PRKCZ: variants seen among roughly 807,000 people sequenced by gnomAD.
PRKCZ encodes protein kinase C zeta, also known as protein kinase C zeta type.
In PRKCZ, 33 loss-of-function variants were observed where a neutral mutation model predicts 79.5. The ratio of observed to expected loss-of-function variants is 0.41; its 90% confidence interval spans 0.31 to 0.55. The LOEUF (loss-of-function observed/expected upper bound fraction) is 0.55, where lower values mean the gene tolerates loss of function less well. Among genes scored for constraint, PRKCZ ranks in the 20% least tolerant of loss-of-function variants. The pLI, the probability that PRKCZ is intolerant of heterozygous loss-of-function variation, is 0.19. For missense variants in PRKCZ, 578 were observed against 813.5 expected, an observed-to-expected ratio of 0.71 and a Z score of 3.52; for synonymous variants, 342 against 320.9, an observed-to-expected ratio of 1.07 and a Z score of -0.70.
Position 2,128,345 on chromosome 1 carries a change from G to A in PRKCZ, c.335-6917G>A, listed in dbSNP as rs1411868290. 6.6e-6 allele frequency among the ~76,000 whole-genome samples: 1 copy of A among 152,222 alleles called. No individual in the cohort carries two copies. Among genetic ancestry groups the A allele is most frequent in the African/African-American group, 2.4e-5 (1 of 41,452 alleles). On this transcript the variant is annotated intron_variant, in intron 4 of 17. Coordinates refer to ENST00000378567, the MANE Select transcript of PRKCZ (RefSeq NM_002744.6). This position sits in a 1 kb window ranked among gnomAD's most constrained non-coding sequence, Gnocchi z 6.5. ...CCAGTGAACAGGAGAGGCCTCAAGTGCCCCCTGACCTGCTGCCAGGGACTC... is the reference window on the plus strand; with the variant it reads ...CCAGTGAACAGGAGAGGCCTCAAGTACCCCCTGACCTGCTGCCAGGGACTC...
chr1:2,179,201 G>T (rs925832248), intron 16 of PRKCZ, among the ~76,000 whole-genome samples: 2 of 152,312 alleles, frequency 1.3e-5, no homozygotes, highest in South Asian at 4.1e-4. Flanking sequence ...ACCCTCCGCC[G>T]GTCCAGGCAC....
chr1:2,153,089 A>T (rs887290891), intron 9 of PRKCZ, among the ~76,000 whole-genome samples: 1 of 151,554 alleles, frequency 6.6e-6, no homozygotes, highest in South Asian at 2.1e-4. Flanking sequence ...GCGCCGTTTC[A>T]CCTCCCCGCC....
intron 4 of PRKCZ, chr1:2,104,630 C>T (rs1668050102): frequency 1.0e-6 from 1 of 964,846 alleles, no homozygotes; most frequent in Non-Finnish European, 1.2e-6. Context: ...GGGTGGAGCC[C>T]AGGCAGGGAG....
chr1:2,064,154 C>A lies in PRKCZ; in HGVS notation c.334+4563C>A, dbSNP rs1446423071. Among the ~76,000 whole-genome samples, 3 of 152,322 alleles carry A rather than the reference C, an allele frequency of 2.0e-5. No homozygotes were observed. In the East Asian group the frequency reaches 5.8e-4, roughly 29 times the overall value. ...GAGCTGCCGTGCCCGGCTTTGTTGGCCATTTCTGTGTCTTCTTTGGTGAAA... is the reference window on the plus strand; with the variant it reads ...GAGCTGCCGTGCCCGGCTTTGTTGGACATTTCTGTGTCTTCTTTGGTGAAA... On this transcript the variant is annotated intron_variant, in intron 4 of 17. Coordinates refer to ENST00000378567, the MANE Select transcript of PRKCZ (RefSeq NM_002744.6).
At chr1:2,184,365 C>T (rs191673840) in intron 16 of PRKCZ, 14 of 502,644 alleles carry the variant, frequency 2.8e-5, no homozygotes, top group African/African-American at 5.8e-5. Context: ...CCAGCATGGC[C>T]GACACTGGCA....
At chr1:2,102,619 A>G (rs369133526) in intron 4 of PRKCZ, among the ~76,000 whole-genome samples, 8 of 152,278 alleles carry the variant, frequency 5.3e-5, no homozygotes, top group South Asian at 4.2e-4. Flanking sequence ...GGTGTGAGCC[A>G]CCGTGCCCGG....
chr1:2,104,783 C>CG (rs1360725556), intron 4 of PRKCZ: 38 of 985,796 alleles, frequency 3.9e-5, no homozygotes, highest in Non-Finnish European at 4.2e-5. Context: ...TGCTGCCCCC[C>CG]GGGGCCGAGC....
At chr1:2,160,610 G>A (rs552838360) in intron 10 of PRKCZ, among the ~76,000 whole-genome samples, 23 of 152,324 alleles carry the variant, frequency 1.5e-4, no homozygotes, top group South Asian at 1.2e-3. Context: ...GTGCAGTGCT[G>A]GTGTTGGGCA....
intron 8 of PRKCZ, 36 bp downstream of exon 8, chr1:2,148,960 G>A (rs774893171): frequency 8.7e-6 from 14 of 1,600,834 alleles, no homozygotes; most frequent in Admixed American, 5.0e-5. Flanking sequence ...CATTTCCGAC[G>A]TCCTCTGGAA....
At chr1:2,156,432 A>G in intron 10 of PRKCZ, 1 of 240,818 alleles carries the variant, frequency 4.2e-6, no homozygotes, top group Non-Finnish European at 8.4e-6. Flanking sequence ...CAAGCTTTAT[A>G]TATACTGGAA....
chr1:2,063,576 G>C (rs1340683480), intron 4 of PRKCZ, among the ~76,000 whole-genome samples: 1 of 152,118 alleles, frequency 6.6e-6, no homozygotes, highest in Admixed American at 6.5e-5. Context: ...GTCTCCCAAA[G>C]TGTTGGGATT....
chr1:2,099,887 G>A lies in PRKCZ; in HGVS notation c.335-35375G>A, dbSNP rs140237603. ...ACCCTTGAAATACGTTTTTTAAATC[G>A]GTGAAAGTGAGAAACTGATGCCTCT... On this transcript the variant is annotated intron_variant, in intron 4 of 17. Transcript: ENST00000378567. 2.7e-3 allele frequency among the ~76,000 whole-genome samples: 418 copies of A among 152,292 alleles called. 3 individuals carry two copies. Among genetic ancestry groups the A allele is most frequent in the African/African-American group, 9.5e-3 (396 of 41,542 alleles).
chr1:2,050,748 G>T, intron 1 of PRKCZ, 47 bp downstream of exon 1: 1 of 1,052,092 alleles, frequency 9.5e-7, no homozygotes, highest in Non-Finnish European at 1.2e-6. Flanking sequence ...GGCAGGGAGG[G>T]CGGGGAGGGC....
intron 4 of PRKCZ, among the ~76,000 whole-genome samples, chr1:2,120,380 A>G (rs1455185947): frequency 7.6e-6 from 1 of 131,954 alleles, no homozygotes; most frequent in East Asian, 2.2e-4. Flanking sequence ...ACTCACTGCA[A>G]TCTCCACCTC....
At chr1:2,083,731 C>T (rs1664001641) in intron 4 of PRKCZ, among the ~76,000 whole-genome samples, 1 of 152,026 alleles carries the variant, frequency 6.6e-6, no homozygotes, top group Non-Finnish European at 1.5e-5. Flanking sequence ...TGTCAGGAGG[C>T]TTGGGGCGTT....
rs1675961344 is a variant in PRKCZ, at chr1:2,135,326, C to T, written c.399C>T (p.Phe133=). 1.9e-6 allele frequency: 3 copies of T among 1,613,148 alleles called. No individual in the cohort carries two copies. In the South Asian group the frequency reaches 3.3e-5, roughly 18 times the overall value. ...TGTACCGTGCCAACGGCCACCTCTT[C>T]CAAGCCAAGCGCTTTAACAGGGTGA... ...RKLYRANGHL[F]QAKRFNRRAY... is the part of the protein sequence containing the mutation. Residue 133 remains phenylalanine (F), a synonymous_variant, in exon 5 of 18, where the codon TTC becomes TTT. Transcript: ENST00000378567.
intron 4 of PRKCZ, among the ~76,000 whole-genome samples, chr1:2,086,759 C>T (rs960036205): frequency 1.3e-5 from 2 of 152,218 alleles, no homozygotes; most frequent in African/African-American, 4.8e-5. Flanking sequence ...GCAGGCTCTT[C>T]TCTTCTCCAC....
intron 4 of PRKCZ, among the ~76,000 whole-genome samples, chr1:2,122,004 A>G (rs865950537): frequency 4.0e-5 from 1 of 25,000 alleles, no homozygotes; most frequent in Non-Finnish European, 1.1e-4. Flanking sequence ...GGTTAGGGTC[A>G]CGGTGGTGGT....
intron 1 of PRKCZ, among the ~76,000 whole-genome samples, chr1:2,053,075 C>T (rs1659834957): frequency 6.6e-6 from 1 of 151,838 alleles, no homozygotes; most frequent in Admixed American, 6.6e-5. Flanking sequence ...CTTCTAGGGC[C>T]ACAAACACTG....
Sources: gnomAD v4.1 joint callset for allele counts (sites outside exome capture counted in the v4.1 genomes callset) on GRCh38, gnomAD v4.1.1 for gene constraint, Gnocchi (gnomAD v3.1) non-coding constraint, MANE v1.5 for transcripts, NCBI Gene and HGNC (gene_info 2026-07-23, HGNC 2026-07-21) for gene names.